Variants in SCML4 observed in about 807,000 individuals in gnomAD.
SCML4 encodes the protein Scm polycomb group protein like 4, also known as sex comb on midleg-like protein 4.
SCML4 carries 34 observed loss-of-function variants against 41.1 expected under a neutral mutation model. The ratio of observed to expected loss-of-function variants is 0.83; its 90% CI spans 0.63 to 1.10. The LOEUF (loss-of-function observed/expected upper bound fraction) is 1.10. Among genes scored for constraint, SCML4 ranks in the 50% least tolerant of loss-of-function variants. SCML4 has a pLI of 0.00. For missense variants in SCML4, 522 were observed against 534.1 expected, an observed-to-expected ratio of 0.98 and a Z score of 0.22; for synonymous variants, 214 against 220.9, an observed-to-expected ratio of 0.97 and a Z score of 0.28.
intron 2 of SCML4, among the ~76,000 whole-genome samples, chr6:107,753,130 T>G (rs1778825611): frequency 6.6e-6 from 1 of 152,086 alleles, no homozygotes; most frequent in Non-Finnish European, 1.5e-5. Flanking sequence ...TAGATACTAT[T>G]AAAAAATACA....
rs1451437394 is a variant in SCML4, at chr6:107,702,456, G to A, written c.*2744C>T. On this transcript the variant is annotated 3_prime_UTR_variant, in exon 8 of 8. Transcript: ENST00000369020. ...AAGGAGGCACTGATGAGGGTGGGTA[G>A]GAAGTTTTGAAAACTTGATACTGGA... 6.6e-6 allele frequency among the ~76,000 whole-genome samples: 1 copy of A among 152,142 alleles called. No homozygotes were observed. Among genetic ancestry groups the A allele is most frequent in the Non-Finnish European group, 1.5e-5 (1 of 68,032 alleles).
chr6:107,810,044 CAG>C (rs931976064), intron 1 of SCML4, among the ~76,000 whole-genome samples: 1 of 152,170 alleles, frequency 6.6e-6, no homozygotes, highest in Non-Finnish European at 1.5e-5. Flanking sequence ...AGTTAGCAAA[CAG>C]AGAGAGGCTG....
At chr6:107,813,222 G>C (rs755447572) in intron 1 of SCML4, among the ~76,000 whole-genome samples, 13 of 150,926 alleles carry the variant, frequency 8.6e-5, no homozygotes, top group Non-Finnish European at 1.5e-4. Flanking sequence ...AATTAGCTCA[G>C]GGTGGTGGTG....
At chr6:107,837,974 C>G in the SCML4 span, among the ~76,000 whole-genome samples, 1 of 142,222 alleles carries the variant, frequency 7.0e-6, no homozygotes, top group South Asian at 2.2e-4. Flanking sequence ...GTGGCACAAT[C>G]TCAGCTCACT....
chr6:107,786,156 A>G lies in SCML4; in HGVS notation c.-59-13770T>C, dbSNP rs115727672. On this transcript the variant is annotated intron_variant, in intron 1 of 7. Coordinates refer to ENST00000369020, the MANE Select transcript of SCML4 (RefSeq NM_198081.5). ...AACTGACCTGCTTCTAATCTGAATCAAAGCTACAATGAGAACTCAAGTGAG... is the reference window on the plus strand; with the variant it reads ...AACTGACCTGCTTCTAATCTGAATCGAAGCTACAATGAGAACTCAAGTGAG... 4.1e-3 allele frequency among the ~76,000 whole-genome samples: 632 copies of G among 152,354 alleles called. 5 individuals are homozygous for G. Among genetic ancestry groups the G allele is most frequent in the African/African-American group, 0.014 (596 of 41,570 alleles).
At chr6:107,816,746 G>T (rs1233208726) in intron 1 of SCML4, among the ~76,000 whole-genome samples, 1 of 152,180 alleles carries the variant, frequency 6.6e-6, no homozygotes, top group African/African-American at 2.4e-5. Flanking sequence ...CAGAGTACAG[G>T]TTTTTGCTTT....
At chr6:107,765,583 C>T (rs1779969705) in intron 2 of SCML4, among the ~76,000 whole-genome samples, 1 of 152,200 alleles carries the variant, frequency 6.6e-6, no homozygotes, top group Non-Finnish European at 1.5e-5. Flanking sequence ...TGAACCTACT[C>T]TGGCTCAGGA....
intron 6 of SCML4, among the ~76,000 whole-genome samples, chr6:107,709,890 A>G (rs1448524169): frequency 6.6e-6 from 1 of 152,042 alleles, no homozygotes; most frequent in Admixed American, 6.5e-5. Flanking sequence ...CCTGTATTTT[A>G]GTAGAGATGG....
chr6:107,714,229 C>G (rs1187525777), intron 6 of SCML4, among the ~76,000 whole-genome samples: 1 of 152,180 alleles, frequency 6.6e-6, no homozygotes, highest in Non-Finnish European at 1.5e-5. Context: ...AAGGAGAGAC[C>G]ATGGGCTTGA....
chr6:107,707,505 T>C (rs6921267), intron 7 of SCML4, among the ~76,000 whole-genome samples: 29,469 of 152,134 alleles, frequency 0.19, 3,071 homozygotes, highest in East Asian at 0.37. Flanking sequence ...ATCCTCGAAG[T>C]GGTTTAGGAA....
chr6:107,836,214 C>T, the SCML4 span, among the ~76,000 whole-genome samples: 5 of 151,954 alleles, frequency 3.3e-5, no homozygotes, highest in African/African-American at 1.2e-4. Context: ...TGTTAAGAAA[C>T]CAGGCTGTTT....
At chr6:107,712,089 C>T (rs937958589) in intron 6 of SCML4, among the ~76,000 whole-genome samples, 3 of 152,096 alleles carry the variant, frequency 2.0e-5, no homozygotes, top group Non-Finnish European at 2.9e-5. Flanking sequence ...TGCCGATCCA[C>T]ACTTATTAAA....
chr6:107,832,108 G>T, the SCML4 span, among the ~76,000 whole-genome samples: 1 of 151,752 alleles, frequency 6.6e-6, no homozygotes, highest in East Asian at 1.9e-4. Context: ...GGGTGGTGGT[G>T]CATGCCGGTA....
chr6:107,782,861 G>C (rs112922708), intron 1 of SCML4, among the ~76,000 whole-genome samples: 92 of 27,376 alleles, frequency 3.4e-3, no homozygotes, highest in African/African-American at 7.0e-3. Context: ...TGCCTGATGG[G>C]AGGTGCTGGT....
At position 107,714,860 on chromosome 6, in the gene SCML4, C is replaced by T. The variant is rs1182832202; in HGVS notation, c.973+5843G>A. On this transcript the variant is annotated intron_variant, in intron 6 of 7. Transcript: ENST00000369020. ...TTCCTAAATCCCAGGGCCACCAGCT[C>T]ACTCCCCTGTTCAGAAATGTCTGGT... Among the ~76,000 whole-genome samples the T allele has an allele frequency of 2.0e-5, 3 of 151,640 alleles. No individual in the cohort carries two copies. The East Asian group carries it at 5.8e-4, about 29-fold the overall frequency.
intron 1 of SCML4, among the ~76,000 whole-genome samples, chr6:107,793,186 G>C (rs141251554): frequency 3.3e-3 from 504 of 152,272 alleles, no homozygotes; most frequent in African/African-American, 0.011. Flanking sequence ...CTCTCCCCCT[G>C]TATGAAGGGT....
At chr6:107,746,412 A>T in intron 4 of SCML4, 2 of 416,710 alleles carry the variant, frequency 4.8e-6, no homozygotes, top group South Asian at 1.1e-4. Flanking sequence ...TGAAGTGGAG[A>T]AAAAAAAGCA....
the SCML4 span, among the ~76,000 whole-genome samples, chr6:107,833,534 G>C: frequency 6.6e-6 from 1 of 152,056 alleles, no homozygotes; most frequent in African/African-American, 2.4e-5. Flanking sequence ...GTAACAGGAC[G>C]TGGCAACACC....
chr6:107,833,158 A>C, the SCML4 span, among the ~76,000 whole-genome samples: 1 of 152,216 alleles, frequency 6.6e-6, no homozygotes, highest in Non-Finnish European at 1.5e-5. Flanking sequence ...GCTGAATTCC[A>C]TTCTTTCTTA....
Sources: gnomAD v4.1 joint callset for allele counts (sites outside exome capture counted in the v4.1 genomes callset) on GRCh38, gnomAD v4.1.1 for gene constraint, MANE v1.5 for transcripts, NCBI Gene and HGNC (gene_info 2026-07-23, HGNC 2026-07-21) for gene names.